ACSS3: variants seen among roughly 807,000 people sequenced by gnomAD.
ACSS3 encodes acyl-CoA synthetase short-chain family member 3, mitochondrial.
Under a neutral mutation model 84.2 loss-of-function variants are expected in ACSS3, and 64 were observed. The ratio of observed to expected loss-of-function variants is 0.76; its 90% CI spans 0.62 to 0.94. The LOEUF (loss-of-function observed/expected upper bound fraction) is 0.94, where lower values mean the gene tolerates loss of function less well. Among genes scored for constraint, ACSS3 ranks in the 40% least tolerant of loss-of-function variants. The probability of loss-of-function intolerance (pLI) is 0.00; values close to 1 mark genes in which losing one functional copy is unlikely to be tolerated. For missense variants in ACSS3, 815 were observed against 867.6 expected, an observed-to-expected ratio of 0.94 and a Z score of 0.76; for synonymous variants, 317 against 310.1, an observed-to-expected ratio of 1.02 and a Z score of -0.23.
At chr12:81,106,721 C>T (rs1883036264) in intron 1 of ACSS3, among the ~76,000 whole-genome samples, 2 of 152,014 alleles carry the variant, frequency 1.3e-5, no homozygotes, top group Non-Finnish European at 2.9e-5. Flanking sequence ...TGAACAAAGC[C>T]ATTATAGCAG....
chr12:81,230,289 A>G (rs1011146251), intron 11 of ACSS3, among the ~76,000 whole-genome samples: 1 of 151,886 alleles, frequency 6.6e-6, no homozygotes. Flanking sequence ...CCTACAAGGA[A>G]CAAATATGAG....
At chr12:81,078,707 GAA>G (rs1298483498) in intron 1 of ACSS3, among the ~76,000 whole-genome samples, 1 of 152,086 alleles carries the variant, frequency 6.6e-6, no homozygotes, top group Non-Finnish European at 1.5e-5. Flanking sequence ...GGAATAGTAA[GAA>G]AACTAAAACA....
At chr12:81,220,861 T>C (rs1200237913) in intron 11 of ACSS3, among the ~76,000 whole-genome samples, 1 of 152,062 alleles carries the variant, frequency 6.6e-6, no homozygotes, top group East Asian at 1.9e-4. Flanking sequence ...TTCTTAGCAT[T>C]TTTTGAATTT....
chr12:81,174,056 G>A (rs769064180), intron 7 of ACSS3, among the ~76,000 whole-genome samples: 2 of 152,068 alleles, frequency 1.3e-5, no homozygotes, highest in African/African-American at 4.8e-5. Flanking sequence ...ATGTGGCTTG[G>A]CCAAGATAGG....
chr12:81,244,063 G>A (rs1050503128), intron 13 of ACSS3, among the ~76,000 whole-genome samples: 1 of 151,942 alleles, frequency 6.6e-6, no homozygotes, highest in Non-Finnish European at 1.5e-5. Context: ...GTCTAAAAAA[G>A]TCTTTATTTC....
At chr12:81,125,241 A>C (rs74937256) in intron 2 of ACSS3, among the ~76,000 whole-genome samples, 16,291 of 152,166 alleles carry the variant, frequency 0.11, 1,139 homozygotes, top group East Asian at 0.22. Context: ...CAAAACAAAA[A>C]AAATACATAA....
In ACSS3 at chr12:81,139,187, CG is replaced by C; in HGVS notation, c.703del (p.Val235TyrfsTer4). 1.2e-6 allele frequency: 2 copies of C among 1,613,700 alleles called. No homozygotes were observed. Among genetic ancestry groups the C allele is most frequent in the Non-Finnish European group, 1.7e-6 (2 of 1,179,704 alleles). On this transcript the variant is annotated frameshift_variant, in exon 4 of 16. Transcript: ENST00000548058. LOFTEE classifies it high-confidence loss of function. ...TTGAACCTGGAAGGAGGGTAGAGTACGTACCACTTGTAGAAGAAGCGCTAAA... is the reference window on the plus strand; with the variant it reads ...TTGAACCTGGAAGGAGGGTAGAGTACTACCACTTGTAGAAGAAGCGCTAAA... ...GIEPGRRVEYVPLVEEALKIG... is the reference protein window; with the variant it reads ...GIEPGRRVEYXPLVEEALKIG...
chr12:81,241,148 G>A (rs942287360), intron 13 of ACSS3, among the ~76,000 whole-genome samples: 3 of 151,752 alleles, frequency 2.0e-5, no homozygotes, highest in South Asian at 2.1e-4. Flanking sequence ...ATCCATGTCT[G>A]TACAAAGGAC....
intron 2 of ACSS3, among the ~76,000 whole-genome samples, chr12:81,132,136 C>G (rs570626478): frequency 1.3e-5 from 2 of 152,206 alleles, no homozygotes; most frequent in African/African-American, 4.8e-5. Context: ...ATGATACTGG[C>G]CTCATAAAAT....
At chr12:81,115,090 G>T (rs1246423029) in intron 2 of ACSS3, among the ~76,000 whole-genome samples, 1 of 151,966 alleles carries the variant, frequency 6.6e-6, no homozygotes. Flanking sequence ...TGGTTATTTG[G>T]GTAATGTCTG....
At chr12:81,189,769 C>T (rs1311276289) in intron 8 of ACSS3, among the ~76,000 whole-genome samples, 1 of 151,910 alleles carries the variant, frequency 6.6e-6, no homozygotes, top group East Asian at 1.9e-4. Flanking sequence ...GGTGTTTTTC[C>T]TGTATTTCAT....
intron 13 of ACSS3, among the ~76,000 whole-genome samples, chr12:81,237,340 A>C (rs2033663184): frequency 6.6e-6 from 1 of 151,474 alleles, no homozygotes; most frequent in Non-Finnish European, 1.5e-5. Flanking sequence ...TATAGGTCTA[A>C]TTTTTCAGAT....
chr12:81,175,016 G>A (rs2030370692), intron 8 of ACSS3, 77 bp downstream of exon 8: 1 of 1,506,012 alleles, frequency 6.6e-7, no homozygotes, highest in Non-Finnish European at 9.0e-7. Flanking sequence ...TTTTTTTTCT[G>A]GTACTGGAAT....
At chr12:81,178,984 T>C (rs2030703773) in intron 8 of ACSS3, among the ~76,000 whole-genome samples, 1 of 151,940 alleles carries the variant, frequency 6.6e-6, no homozygotes, top group Non-Finnish European at 1.5e-5. Flanking sequence ...AACCCAGAAA[T>C]AAAGCTACAG....
intron 9 of ACSS3, among the ~76,000 whole-genome samples, chr12:81,211,179 C>T (rs992659165): frequency 2.0e-5 from 3 of 151,910 alleles, no homozygotes; most frequent in Admixed American, 2.0e-4. Flanking sequence ...GGGGTTTCAC[C>T]ACGTTGCCCA....
intron 8 of ACSS3, among the ~76,000 whole-genome samples, chr12:81,187,151 AAC>A (rs2031309475): frequency 1.2e-5 from 1 of 86,792 alleles, no homozygotes; most frequent in Non-Finnish European, 3.1e-5. Context: ...TTAAAACAAC[AAC>A]AAAAAAAAAT....
chr12:81,203,976 T>C lies in ACSS3; in HGVS notation c.1354+4532T>C, dbSNP rs985546538. ...TAATGGTTTCATTAAAATATGGTAA[T>C]CCATGTGCCAAAAAAAAGAAATGAA... On this transcript the variant is annotated intron_variant, in intron 9 of 15. Transcript: ENST00000548058. Among the ~76,000 whole-genome samples the C allele has an allele frequency of 2.0e-5, 3 of 152,118 alleles. No homozygotes were observed. In the East Asian group the frequency reaches 5.8e-4, roughly 29 times the overall value.
chr12:81,130,588 T>C (rs1184559867), intron 2 of ACSS3, among the ~76,000 whole-genome samples: 2 of 152,226 alleles, frequency 1.3e-5, no homozygotes, highest in Non-Finnish European at 2.9e-5. Flanking sequence ...GCATGTTCAC[T>C]CTGATGGTAG....
At chr12:81,237,418 A>G (rs1393414071) in intron 13 of ACSS3, among the ~76,000 whole-genome samples, 1 of 151,668 alleles carries the variant, frequency 6.6e-6, no homozygotes, top group East Asian at 1.9e-4. Context: ...TTATTTCTCC[A>G]TAGTTATAAT....
Sources: gnomAD v4.1 joint callset for allele counts (sites outside exome capture counted in the v4.1 genomes callset) on GRCh38, gnomAD v4.1.1 for gene constraint, MANE v1.5 for transcripts, NCBI Gene and HGNC (gene_info 2026-07-23, HGNC 2026-07-21) for gene names.